CDKL2: variants seen among roughly 807,000 people sequenced by gnomAD.
The protein encoded by CDKL2 is cyclin-dependent kinase-like 2.
Under a neutral mutation model 63.9 loss-of-function variants are expected in CDKL2, and 64 were observed. The ratio of observed to expected loss-of-function variants is 1.00; its 90% CI spans 0.82 to 1.23. The LOEUF is 1.23. Among genes scored for constraint, CDKL2 ranks in the 50% most tolerant of loss-of-function variants. The pLI, the probability that CDKL2 is intolerant of heterozygous loss-of-function variation, is 0.00. For missense variants in CDKL2, 656 were observed against 668.0 expected, an observed-to-expected ratio of 0.98 and a Z score of 0.20; for synonymous variants, 211 against 229.2, an observed-to-expected ratio of 0.92 and a Z score of 0.72.
intron 2 of CDKL2, among the ~76,000 whole-genome samples, chr4:75,625,603 A>G (rs1055277526): frequency 2.0e-5 from 3 of 152,230 alleles, no homozygotes; most frequent in Non-Finnish European, 4.4e-5. Context: ...CTAACAAGTC[A>G]TCAAATCTGG....
At chr4:75,580,849 C>T (rs906998063) in intron 13 of CDKL2, among the ~76,000 whole-genome samples, 53 of 149,460 alleles carry the variant, frequency 3.5e-4, no homozygotes, top group South Asian at 6.3e-4. Flanking sequence ...TACAGGCGCC[C>T]GCTACCACAC....
chr4:75,627,737 T>TC (rs1345434679), intron 1 of CDKL2, among the ~76,000 whole-genome samples: 20 of 139,832 alleles, frequency 1.4e-4, no homozygotes, highest in East Asian at 4.1e-4. Context: ...TTTTCTTTTT[T>TC]TTTTTTTTTT....
intron 12 of CDKL2, among the ~76,000 whole-genome samples, chr4:75,591,324 C>T (rs1728706521): frequency 6.6e-6 from 1 of 152,160 alleles, no homozygotes; most frequent in Admixed American, 6.5e-5. Flanking sequence ...GGCCAGGAGC[C>T]ATAGCTCACA....
At chr4:75,619,210 G>T (rs1020217997) in intron 2 of CDKL2, among the ~76,000 whole-genome samples, 1 of 152,084 alleles carries the variant, frequency 6.6e-6, no homozygotes, top group African/African-American at 2.4e-5. Flanking sequence ...ATTATGAAGG[G>T]TAGTTAATTA....
At chr4:75,615,578 T>G (rs1239425883) in intron 2 of CDKL2, among the ~76,000 whole-genome samples, 1 of 152,192 alleles carries the variant, frequency 6.6e-6, no homozygotes, top group Non-Finnish European at 1.5e-5. Context: ...ACATGAGCAT[T>G]GAATCCATTT....
At chr4:75,591,999 C>A (rs1728735873) in intron 11 of CDKL2, 74 bp from the exon 12 acceptor site, 4 of 1,338,236 alleles carry the variant, frequency 3.0e-6, no homozygotes, top group Non-Finnish European at 4.1e-6. Context: ...ACATTCTCTA[C>A]GTGTTCCTCA....
chr4:75,625,984 T>A lies in CDKL2; in HGVS notation c.5A>T (p.Glu2Val), dbSNP rs766323528. The change falls in exon 2 of 14, where the codon GAA becomes GTA. Residue 2 changes from glutamate (E) to valine (V), a missense_variant. By Grantham distance (121) the Glu-to-Val change is moderately radical. Transcript: ENST00000307465. ...AACCAAACCCAGGTTTTCATATTTT[T>A]CCATTTTAATTTAAAGTCCGTAGAA... is the stretch of plus-strand genomic sequence containing the variant. M[E>V]KYENLGLVGE... 6.2e-7 allele frequency: 1 copy of A among 1,607,182 alleles called. No homozygotes were observed. Among genetic ancestry groups the A allele is most frequent in the Non-Finnish European group, 8.5e-7 (1 of 1,178,700 alleles).
Position 75,614,367 on chromosome 4 carries a change from T to A in CDKL2, c.251A>T (p.Asp84Val), listed in dbSNP as rs1729835929. Residue 84 changes from aspartate to valine, a missense_variant, in exon 3 of 14, where the codon GAC (aspartate) becomes GTC (valine). Physicochemically the swap from Asp to Val is radical, Grantham distance 152 (BLOSUM62 -3). Transcript: ENST00000307465. ...CTCCAAGTCATCAAGAATTGTGTGG[T>A]CAACAAATTCAAAGACTAGGTACCA... ...KRWYLVFEFVDHTILDDLELF... is the reference protein window; with the variant it reads ...KRWYLVFEFVVHTILDDLELF... 3 of 1,611,134 alleles carry A rather than the reference T, an allele frequency of 1.9e-6. No homozygotes were observed. Among genetic ancestry groups the A allele is most frequent in the Non-Finnish European group, 2.5e-6 (3 of 1,178,492 alleles).
chr4:75,591,313 T>A (rs1176850326), intron 12 of CDKL2, among the ~76,000 whole-genome samples: 4 of 152,226 alleles, frequency 2.6e-5, no homozygotes, highest in Non-Finnish European at 5.9e-5. Flanking sequence ...AATGGATTAC[T>A]GGCCAGGAGC....
At chr4:75,602,139 C>A (rs748435373) in intron 6 of CDKL2, among the ~76,000 whole-genome samples, 9 of 151,682 alleles carry the variant, frequency 5.9e-5, no homozygotes, top group Non-Finnish European at 1.0e-4. Context: ...TCATACAGAT[C>A]ATGATCCTAT....
intron 3 of CDKL2, among the ~76,000 whole-genome samples, chr4:75,610,299 A>G (rs2148895833): frequency 6.6e-6 from 1 of 152,282 alleles, no homozygotes; most frequent in Non-Finnish European, 1.5e-5. Context: ...AGACAACTCA[A>G]TCTTTCTAAG....
intron 11 of CDKL2, 87 bp downstream of exon 11, chr4:75,592,059 G>T: frequency 1.5e-6 from 2 of 1,355,470 alleles, no homozygotes; most frequent in Non-Finnish European, 2.0e-6. Context: ...TGTAAAGTTA[G>T]TATGAATTTT....
chr4:75,606,974 A>C (rs187498874), intron 4 of CDKL2, among the ~76,000 whole-genome samples: 2 of 152,340 alleles, frequency 1.3e-5, no homozygotes, highest in Admixed American at 1.3e-4. Flanking sequence ...TAGACCACTT[A>C]ATTTCCCCAC....
At chr4:75,591,312 C>G (rs1728705154) in intron 12 of CDKL2, among the ~76,000 whole-genome samples, 1 of 152,192 alleles carries the variant, frequency 6.6e-6, no homozygotes, top group Non-Finnish European at 1.5e-5. Context: ...AAATGGATTA[C>G]TGGCCAGGAG....
rs537427657 is a variant in CDKL2 at position 75,596,436 on chromosome 4, T to C, written c.1323-96A>G. ...TGACACAGCACCAACTAACAAGCAG[T>C]TTAACCAGAGTGTAATGTCTATTCT... On this transcript the variant is annotated intron_variant, in intron 9 of 13. Transcript: ENST00000307465. 6.8e-5 allele frequency: 50 copies of C among 735,060 alleles called. 1 individual carries two copies. The highest frequency in any genetic ancestry group is 6.5e-4 in the East Asian group (25 of 38,752). The allele number at this position is 735,060 out of a possible 1,614,324, so 45.5% of individuals were successfully genotyped here. A position where few individuals can be genotyped will look rare whatever the true frequency, so the allele number is the denominator to read the frequency against.
chr4:75,614,390 C>T lies in CDKL2; in HGVS notation c.228G>A (p.Trp76Ter). ...GGTCAACAAATTCAAAGACTAGGTACCATCGTTTTTTTTTCTTACACACTT... is the reference window on the plus strand; with the variant it reads ...GGTCAACAAATTCAAAGACTAGGTATCATCGTTTTTTTTTCTTACACACTT... ...LLEVCKKKKR[W>*]YLVFEFVDHT... Residue 76 changes from tryptophan to a stop codon, truncating the protein, a stop_gained, in exon 3 of 14, where the codon TGG becomes TGA. Transcript: ENST00000307465. LOFTEE classifies it high-confidence loss of function. 2 of 1,603,038 alleles carry T rather than the reference C, an allele frequency of 1.2e-6. No individual in the cohort carries two copies. Among genetic ancestry groups the T allele is most frequent in the Non-Finnish European group, 1.7e-6 (2 of 1,173,310 alleles).
chr4:75,628,482 T>C (rs1730535850), intron 1 of CDKL2, among the ~76,000 whole-genome samples: 1 of 152,202 alleles, frequency 6.6e-6, no homozygotes, highest in Non-Finnish European at 1.5e-5. Flanking sequence ...ATCTTTCTTG[T>C]TTTACCAATG....
intron 12 of CDKL2, among the ~76,000 whole-genome samples, chr4:75,586,557 C>A (rs1399298165): frequency 2.0e-5 from 3 of 151,760 alleles, no homozygotes; most frequent in Admixed American, 2.0e-4. Flanking sequence ...TAAAACATGA[C>A]AAAGATATCT....
chr4:75,617,529 C>A (rs968252667), intron 2 of CDKL2, among the ~76,000 whole-genome samples: 1 of 151,934 alleles, frequency 6.6e-6, no homozygotes. Flanking sequence ...CTAAACAAAC[C>A]AACAAAAATG....
Sources: gnomAD v4.1 joint callset for allele counts (sites outside exome capture counted in the v4.1 genomes callset) on GRCh38, gnomAD v4.1.1 for gene constraint, MANE v1.5 for transcripts, NCBI Gene and HGNC (gene_info 2026-07-23, HGNC 2026-07-21) for gene names.